The following SGCZ variants were observed in gnomAD, a reference collection of about 807,000 sequenced individuals.
The protein encoded by SGCZ is zeta-sarcoglycan.
In SGCZ, 40 loss-of-function variants were observed where a neutral mutation model predicts 41.3. The observed-to-expected ratio is 0.97, with a 90% confidence interval of 0.75 to 1.26. The LOEUF is 1.26. SGCZ is among the 50% of genes most tolerant of loss of function. The probability of loss-of-function intolerance (pLI) is 0.00; values close to 1 mark genes in which losing one functional copy is unlikely to be tolerated. For synonymous variants in SGCZ, 206 were observed against 137.5 expected, an observed-to-expected ratio of 1.50 and a Z score of -3.49; for missense variants, 552 against 369.8, an observed-to-expected ratio of 1.49 and a Z score of -4.04.
At chr8:15,173,758 A>G (rs1799917653) in intron 1 of SGCZ, among the ~76,000 whole-genome samples, 1 of 152,082 alleles carries the variant, frequency 6.6e-6, no homozygotes, top group African/African-American at 2.4e-5. Context: ...TAGCAGATTC[A>G]TTCATTTATT....
chr8:14,540,085 A>C (rs1220372447), intron 2 of SGCZ, among the ~76,000 whole-genome samples: 1 of 151,970 alleles, frequency 6.6e-6, no homozygotes, highest in African/African-American at 2.4e-5. Context: ...AAATGACATA[A>C]AATAAACTAA....
chr8:14,394,647 G>A (rs1279827610), intron 2 of SGCZ, among the ~76,000 whole-genome samples: 1 of 152,004 alleles, frequency 6.6e-6, no homozygotes, highest in African/African-American at 2.4e-5. Flanking sequence ...ACAGTAATCC[G>A]TGGGTGAAAT....
chr8:14,795,714 T>G (rs1801100671), intron 1 of SGCZ, among the ~76,000 whole-genome samples: 1 of 152,196 alleles, frequency 6.6e-6, no homozygotes, highest in Non-Finnish European at 1.5e-5. Context: ...AAGTGCATAT[T>G]AATTACATAG....
intron 1 of SGCZ, among the ~76,000 whole-genome samples, chr8:14,812,542 A>T (rs535935550): frequency 2.0e-5 from 3 of 152,144 alleles, no homozygotes; most frequent in Non-Finnish European, 4.4e-5. Flanking sequence ...CTTCATTTGA[A>T]TTCTTTCCAT....
In SGCZ at chr8:14,699,028, T is replaced by G. The variant is rs187428504; in HGVS notation, c.40-144102A>C. ...AGTTAGAAAATTAAATAGGGATAAA[T>G]AATCCAATACTATGAAAATCATCTA... is the stretch of plus-strand genomic sequence containing the variant. On this transcript the variant is annotated intron_variant, in intron 1 of 7. Transcript: ENST00000382080. Among the ~76,000 whole-genome samples the G allele has an allele frequency of 2.8e-3, 421 of 151,798 alleles. 4 individuals carry two copies. Among genetic ancestry groups the G allele is most frequent in the African/African-American group, 9.8e-3 (406 of 41,466 alleles).
At chr8:14,399,386 T>G (rs1799008878) in intron 2 of SGCZ, among the ~76,000 whole-genome samples, 1 of 152,156 alleles carries the variant, frequency 6.6e-6, no homozygotes, top group African/African-American at 2.4e-5. Context: ...CAATAGTGCC[T>G]GCCATGGATT....
intron 5 of SGCZ, among the ~76,000 whole-genome samples, chr8:14,147,039 C>T (rs1034730808): frequency 6.6e-6 from 1 of 151,320 alleles, no homozygotes; most frequent in African/African-American, 2.4e-5. Flanking sequence ...GTGTTAAGTT[C>T]TTATCAGATT....
chr8:14,713,237 G>T (rs1242061445), intron 1 of SGCZ, among the ~76,000 whole-genome samples: 1 of 152,166 alleles, frequency 6.6e-6, no homozygotes, highest in Non-Finnish European at 1.5e-5. Context: ...GCATGTCCAA[G>T]CGTATCAAAG....
chr8:14,640,715 A>C (rs1806995990), intron 1 of SGCZ, among the ~76,000 whole-genome samples: 1 of 151,438 alleles, frequency 6.6e-6, no homozygotes. Flanking sequence ...TTACTTGAAG[A>C]ATTTCCTAAA....
At chr8:14,189,155 G>A (rs1805010467) in intron 4 of SGCZ, among the ~76,000 whole-genome samples, 1 of 151,816 alleles carries the variant, frequency 6.6e-6, no homozygotes, top group African/African-American at 2.4e-5. Flanking sequence ...CACTGCACCT[G>A]GCCCCTCTTG....
rs983996944 is a variant in SGCZ at position 14,626,887 on chromosome 8, T to C, written c.40-71961A>G. On this transcript the variant is annotated intron_variant, in intron 1 of 7. Transcript: ENST00000382080. ...GTGGTACTTTGTGATGGTAGCAAAC[T>C]AATAAACTGGCTCATATTTATCTGT... Among the ~76,000 whole-genome samples, 2 of 152,146 alleles carry C rather than the reference T, an allele frequency of 1.3e-5. 1 individual carries two copies. Among genetic ancestry groups the C allele is most frequent in the East Asian group, 3.9e-4 (2 of 5,172 alleles).
At chr8:14,846,357 C>A (rs554195796) in intron 1 of SGCZ, among the ~76,000 whole-genome samples, 2 of 151,534 alleles carry the variant, frequency 1.3e-5, no homozygotes, top group Non-Finnish European at 2.9e-5. Flanking sequence ...GGAATTGGAC[C>A]AAAAACTTAA....
chr8:14,452,541 G>A (rs1048270079), intron 2 of SGCZ, among the ~76,000 whole-genome samples: 1 of 151,638 alleles, frequency 6.6e-6, no homozygotes, highest in African/African-American at 2.4e-5. Context: ...TACATCCTGG[G>A]CATGCATATA....
chr8:15,224,583 T>C (rs1330048107), intron 1 of SGCZ, among the ~76,000 whole-genome samples: 1 of 152,162 alleles, frequency 6.6e-6, no homozygotes, highest in Non-Finnish European at 1.5e-5. Context: ...TAAAACCCAA[T>C]ATATTAGATA....
intron 1 of SGCZ, among the ~76,000 whole-genome samples, chr8:14,997,399 C>A (rs1163099219): frequency 6.6e-6 from 1 of 152,038 alleles, no homozygotes; most frequent in African/African-American, 2.4e-5. Context: ...CATATTAATG[C>A]AGTAAAGACA....
chr8:14,237,792 A>G (rs1043351052), intron 3 of SGCZ, 113 bp from the exon 4 acceptor site: 50 of 867,852 alleles, frequency 5.8e-5, no homozygotes, highest in Non-Finnish European at 7.7e-5. Flanking sequence ...TTTGCTCTAT[A>G]TTAGACAGTT....
intron 3 of SGCZ, among the ~76,000 whole-genome samples, chr8:14,255,799 T>A (rs1401409931): frequency 6.6e-6 from 1 of 152,038 alleles, no homozygotes; most frequent in Non-Finnish European, 1.5e-5. Flanking sequence ...AATAAAGAGA[T>A]TTGGCATAAA....
chr8:14,840,796 C>T (rs1164605470), intron 1 of SGCZ, among the ~76,000 whole-genome samples: 1 of 151,862 alleles, frequency 6.6e-6, no homozygotes, highest in African/African-American at 2.4e-5. Context: ...CTCTTTTTAA[C>T]TTTATGAGAC....
At chr8:14,624,552 AT>A (rs1421590062) in intron 1 of SGCZ, among the ~76,000 whole-genome samples, 5 of 34,142 alleles carry the variant, frequency 1.5e-4, no homozygotes, top group Non-Finnish European at 2.8e-4. Context: ...TTTTATTATT[AT>A]TATTTTTTTT....
Sources: gnomAD v4.1 joint callset for allele counts (sites outside exome capture counted in the v4.1 genomes callset) on GRCh38, gnomAD v4.1.1 for gene constraint, MANE v1.5 for transcripts, NCBI Gene and HGNC (gene_info 2026-07-23, HGNC 2026-07-21) for gene names.